The following NRG1 variants were observed in gnomAD, a reference collection of about 807,000 sequenced individuals.
The protein encoded by NRG1 is neuregulin 1.
A neutral mutation model predicts 63.8 loss-of-function variants in NRG1; 18 were observed. The observed-to-expected ratio is 0.28, with a 90% CI of 0.19 to 0.42. The LOEUF is 0.42. Among genes scored for constraint, NRG1 ranks in the 10% least tolerant of loss-of-function variants. The pLI is 1.00. For synonymous variants in NRG1, 302 were observed against 301.3 expected (o/e 1.00, Z -0.02); for missense variants, 762 against 814.7 (o/e 0.94, Z 0.79).
exon 12 of NRG1, chr8:32,764,021 T>A: frequency 6.2e-7 from 1 of 1,614,024 alleles, no homozygotes; most frequent in Non-Finnish European, 8.5e-7. Context: ...GCCTCCCTGC[T>A]AGCCCCTTGA....
chr8:31,644,963 G>A (rs563502762), intron 1 of NRG1, among the ~76,000 whole-genome samples: 4 of 152,052 alleles, frequency 2.6e-5, no homozygotes, highest in Admixed American at 6.5e-5. Flanking sequence ...TACAATTAGG[G>A]TTCTTACTGA....
At position 31,988,906 on chromosome 8, in the gene NRG1, A is replaced by C. The variant is rs117833985; in HGVS notation, c.37+349475A>C. Among the ~76,000 whole-genome samples the C allele has an allele frequency of 2.7e-4, 41 of 152,144 alleles. No homozygotes were observed. The East Asian group carries it at 7.2e-3, about 27-fold the overall frequency. Reference sequence around the variant, plus strand: ...CTTTTCATACTATTCATTCTACAATAACTTGACCCCTCTTTTTGTTGACGA... The same window carrying C: ...CTTTTCATACTATTCATTCTACAATCACTTGACCCCTCTTTTTGTTGACGA... On this transcript the variant is annotated intron_variant, in intron 1 of 10. Transcript: ENST00000519301.
At chr8:31,966,225 T>C (rs1022784274) in intron 1 of NRG1, among the ~76,000 whole-genome samples, 1 of 100,266 alleles carries the variant, frequency 1.0e-5, no homozygotes, top group South Asian at 3.7e-4. Context: ...TAACTTATGG[T>C]CAATCTTGTG....
intron 1 of NRG1, among the ~76,000 whole-genome samples, chr8:32,456,044 A>T (rs1260462657): frequency 1.3e-5 from 2 of 152,228 alleles, no homozygotes; most frequent in Admixed American, 1.3e-4. Flanking sequence ...TGGTCTCCTG[A>T]GGGAAATCTA....
intron 1 of NRG1, among the ~76,000 whole-genome samples, chr8:32,426,256 T>C (rs1045571801): frequency 2.0e-5 from 3 of 152,284 alleles, no homozygotes; most frequent in African/African-American, 7.2e-5. Flanking sequence ...GATTCATCAA[T>C]GGCCGTAGGT....
chr8:32,085,962 T>A (rs2131207640), intron 1 of NRG1, among the ~76,000 whole-genome samples: 1 of 152,314 alleles, frequency 6.6e-6, no homozygotes, highest in Non-Finnish European at 1.5e-5. Context: ...AGCCAGTTCT[T>A]AGTCATTCCA....
chr8:32,576,764 TA>T (rs1187668899), intron 1 of NRG1, among the ~76,000 whole-genome samples: 1 of 151,696 alleles, frequency 6.6e-6, no homozygotes, highest in African/African-American at 2.4e-5. Context: ...TTTCTCTTTT[TA>T]AAAAAATAAT....
intron 1 of NRG1, among the ~76,000 whole-genome samples, chr8:31,654,328 A>G (rs1393211233): frequency 6.6e-6 from 1 of 152,222 alleles, no homozygotes; most frequent in African/African-American, 2.4e-5. Context: ...CCAGGTGAAT[A>G]GAGATAATGA....
At chr8:32,047,686 A>G (rs1284169471) in intron 1 of NRG1, among the ~76,000 whole-genome samples, 1 of 151,974 alleles carries the variant, frequency 6.6e-6, no homozygotes, top group Non-Finnish European at 1.5e-5. Flanking sequence ...TACAACATTG[A>G]TGTTTTCAAA....
chr8:32,225,067 C>T (rs1195079659), intron 1 of NRG1, among the ~76,000 whole-genome samples: 1 of 152,148 alleles, frequency 6.6e-6, no homozygotes, highest in African/African-American at 2.4e-5. Flanking sequence ...TTTTTCCAAC[C>T]TTAAAGAGCA....
intron 1 of NRG1, among the ~76,000 whole-genome samples, chr8:32,451,006 AAAAAC>A: frequency 6.6e-6 from 1 of 152,318 alleles, no homozygotes; most frequent in African/African-American, 2.4e-5. Context: ...TGGAGGACTG[AAAAAC>A]AAAACAAAAC....
At chr8:32,593,314 T>C (rs1223147315) in intron 1 of NRG1, among the ~76,000 whole-genome samples, 4 of 152,192 alleles carry the variant, frequency 2.6e-5, no homozygotes, top group African/African-American at 7.2e-5. Context: ...TTTTTTAATA[T>C]GTGTAAACCA....
intron 1 of NRG1, among the ~76,000 whole-genome samples, chr8:32,045,336 T>G (rs530650679): frequency 6.6e-6 from 1 of 151,970 alleles, no homozygotes; most frequent in South Asian, 2.1e-4. Flanking sequence ...ATAGATGACC[T>G]AAATGAATGG....
intron 1 of NRG1, among the ~76,000 whole-genome samples, chr8:31,712,255 C>CTTTTTTTTTTTTTTTTTTGTTTTTTT (rs1811842799): frequency 1.4e-5 from 1 of 72,354 alleles, no homozygotes. Flanking sequence ...TCTTCATGAT[C>CTTTTTTTTTTTTTTTTTTGTTTTTTT]TTTTTTTTTT....
At chr8:31,916,289 A>C (rs59689481) in intron 1 of NRG1, among the ~76,000 whole-genome samples, 1,849 of 152,072 alleles carry the variant, frequency 0.012, 44 homozygotes, top group African/African-American at 0.043. Flanking sequence ...TATACATGTG[A>C]CATGCTGGTG....
chr8:32,359,795 C>T (rs1806976249), intron 1 of NRG1, among the ~76,000 whole-genome samples: 1 of 152,046 alleles, frequency 6.6e-6, no homozygotes, highest in Non-Finnish European at 1.5e-5. Flanking sequence ...GTAAGGTATT[C>T]CAGTGTTGAA....
At chr8:32,078,332 C>A (rs956944423) in intron 1 of NRG1, among the ~76,000 whole-genome samples, 3 of 152,206 alleles carry the variant, frequency 2.0e-5, no homozygotes, top group African/African-American at 4.8e-5. Flanking sequence ...TCCTCCTTCA[C>A]CTTCCAGCAT....
rs190061259 is a variant in NRG1 at position 32,675,729 on chromosome 8, G to T, written c.503-52220G>T. On this transcript the variant is annotated intron_variant, in intron 5 of 11. Coordinates refer to ENST00000356819, the Ensembl canonical transcript of NRG1. ...ATGCACGTATATGGGTGACCAGGGGGATTGTTAGGAAGAGGAAGAAAGAGA... is the reference window on the plus strand; with the variant it reads ...ATGCACGTATATGGGTGACCAGGGGTATTGTTAGGAAGAGGAAGAAAGAGA... Among the ~76,000 whole-genome samples the T allele has an allele frequency of 5.7e-3, 873 of 152,286 alleles. 4 individuals are homozygous for T. The highest frequency in any genetic ancestry group is 0.01 in the Non-Finnish European group (684 of 68,016).
chr8:32,565,994 C>T (rs561480523), intron 1 of NRG1, among the ~76,000 whole-genome samples: 11 of 152,262 alleles, frequency 7.2e-5, no homozygotes, highest in African/African-American at 2.6e-4. Flanking sequence ...CCAGCCTGTG[C>T]ACACCTAGGC....
Sources: allele counts gnomAD v4.1 joint callset (sites outside exome capture counted in the v4.1 genomes callset), GRCh38; gene constraint gnomAD v4.1.1; transcripts MANE v1.5; gene names NCBI Gene and HGNC (gene_info 2026-07-23, HGNC 2026-07-21).